CCND3: variants seen among roughly 807,000 people sequenced by gnomAD.
The protein encoded by CCND3 is G1/S-specific cyclin-D3.
CCND3 carries 9 observed loss-of-function variants against 28.7 expected under a neutral mutation model. The ratio of observed to expected loss-of-function variants is 0.31; its 90% CI spans 0.19 to 0.55. The LOEUF is 0.55. Among genes scored for constraint, CCND3 ranks in the 20% least tolerant of loss-of-function variants. CCND3 has a pLI of 0.93. For synonymous variants in CCND3, 164 were observed against 163.9 expected (o/e 1.00, Z 0.00); for missense variants, 315 against 385.8 (o/e 0.82, Z 1.54).
rs756354784 is a variant in CCND3 at position 41,937,361 on chromosome 6, A to G, written c.448T>C (p.Trp150Arg). The change falls in exon 3 of 5, where the codon TGG becomes CGG. Residue 150 changes from tryptophan (W) to arginine (R), a missense_variant. Physicochemically the swap from Trp to Arg is moderately radical, Grantham distance 101. Coordinates refer to ENST00000372991, the MANE Select transcript of CCND3 (RefSeq NM_001760.5). ...TGTGCAATCACAGCAGCCAGGTCCC[A>G]CTTGAGCTTCCCTAGGACCAGCACC... ...WEVLVLGKLK[W>R]DLAAVIAHDF... is the part of the protein sequence containing the mutation. 1 of 1,614,156 alleles carries G rather than the reference A, an allele frequency of 6.2e-7. No individual in the cohort carries two copies. Among genetic ancestry groups the G allele is most frequent in the South Asian group, 1.1e-5 (1 of 91,080 alleles).
In CCND3 at chr6:41,951,378, C is replaced by A. The variant is rs1027486228; in HGVS notation, c.-45-10793G>T. ...GACCAACCTGGCCAATATGGTGAAA[C>A]CCCGTCTGTACTAAATATACAAAAA... On this transcript the variant is annotated intron_variant, in intron 1 of 4. Coordinates refer to the CCND3 transcript ENST00000372988. Among the ~76,000 whole-genome samples, 5 of 151,480 alleles carry A rather than the reference C, an allele frequency of 3.3e-5. No homozygotes were observed. In the South Asian group the frequency reaches 1.0e-3, roughly 32 times the overall value.
rs2127394860 is a variant in CCND3, at chr6:41,941,354, C to T, written c.198+98G>A. On this transcript the variant is annotated intron_variant, in intron 1 of 4. Coordinates refer to ENST00000372991, the MANE Select transcript of CCND3 (RefSeq NM_001760.5). The surrounding 1 kb of genome is among the most constrained non-coding windows in gnomAD (Gnocchi z 6.1). ...CCCGGGAGTCTTAGCCTCGGAGCATCCTGCAGATTGCTGTGGGGACCGGGA... is the reference window on the plus strand; with the variant it reads ...CCCGGGAGTCTTAGCCTCGGAGCATTCTGCAGATTGCTGTGGGGACCGGGA... 1 of 1,538,090 alleles carries T rather than the reference C, an allele frequency of 6.5e-7. No homozygotes were observed. The highest frequency in any genetic ancestry group is 8.7e-7 in the Non-Finnish European group (1 of 1,146,854).
chr6:41,988,593 T>C (rs1762552836), intron 1 of CCND3, among the ~76,000 whole-genome samples: 2 of 152,078 alleles, frequency 1.3e-5, no homozygotes, highest in Admixed American at 6.6e-5. Context: ...GCCTTGCAGC[T>C]GGGCTAACAT....
At chr6:41,975,699 A>G (rs976794249) in intron 1 of CCND3, among the ~76,000 whole-genome samples, 6 of 151,116 alleles carry the variant, frequency 4.0e-5, no homozygotes, top group African/African-American at 1.5e-4. Context: ...AGGCCACGCC[A>G]GGCTACCTCT....
intron 1 of CCND3, among the ~76,000 whole-genome samples, chr6:41,948,065 A>G (rs1776214122): frequency 6.6e-6 from 1 of 152,092 alleles, no homozygotes; most frequent in South Asian, 2.1e-4. Context: ...GGATATCCAC[A>G]TGGCCCACTC....
chr6:41,941,421 G>T lies in CCND3; in HGVS notation c.198+31C>A, dbSNP rs1212308815. 6.2e-7 allele frequency: 1 copy of T among 1,603,228 alleles called. No individual in the cohort carries two copies. The highest frequency in any genetic ancestry group is 1.1e-5 in the South Asian group (1 of 89,938). On this transcript the variant is annotated intron_variant, in intron 1 of 4. Coordinates refer to ENST00000372991, the MANE Select transcript of CCND3 (RefSeq NM_001760.5). The surrounding 1 kb of genome is among the most constrained non-coding windows in gnomAD (Gnocchi z 6.1). ...CCCCGGTGTGTCCAGACCCGGGAGC[G>T]GTGGGGGAGGGGGACGCGTCCGGGC...
chr6:41,988,936 T>C (rs2127415376), intron 1 of CCND3, among the ~76,000 whole-genome samples: 1 of 151,686 alleles, frequency 6.6e-6, no homozygotes, highest in African/African-American at 2.4e-5. Context: ...CCTGACCTCA[T>C]GATCCGCCCG....
intron 1 of CCND3, among the ~76,000 whole-genome samples, chr6:42,012,314 G>A (rs1332877820): frequency 6.9e-6 from 1 of 145,868 alleles, no homozygotes; most frequent in Non-Finnish European, 1.5e-5. Flanking sequence ...GCTGAGGCAG[G>A]AGAATCACTT....
Position 41,941,731 on chromosome 6 carries a change from G to A in CCND3, c.-82C>T, listed in dbSNP as rs1582090436. 2.8e-6 allele frequency: 3 copies of A among 1,063,554 alleles called. No individual in the cohort carries two copies. The highest frequency in any genetic ancestry group is 3.6e-6 in the Non-Finnish European group (3 of 823,028). 65.9% of individuals were successfully genotyped at this position (1,063,554 alleles called of 1,614,324 possible). A position where few individuals can be genotyped will look rare whatever the true frequency, so the allele number is the denominator to read the frequency against. On this transcript the variant is annotated 5_prime_UTR_variant, in exon 1 of 5. Coordinates refer to ENST00000372991, the MANE Select transcript of CCND3 (RefSeq NM_001760.5). This position sits in a 1 kb window ranked among gnomAD's most constrained non-coding sequence, Gnocchi z 6.1. ...GACGGGCCGGAGAGCGCGGGGCGCG[G>A]GTCTGGCGCTGGCGCTGGCACTGCG...
intron 1 of CCND3, among the ~76,000 whole-genome samples, chr6:42,003,525 C>CAAAAAAAAAAAAAAAAA (rs61494473): frequency 1.4e-5 from 1 of 73,520 alleles, no homozygotes; most frequent in Non-Finnish European, 2.3e-5. Flanking sequence ...GACTCTGTCT[C>CAAAAAAAAAAAAAAAAA]AAAAAAAAAA....
chr6:41,936,127 G>A lies in CCND3; in HGVS notation c.712-20C>T. The A allele has an allele frequency of 2.6e-6, 4 of 1,554,210 alleles. No homozygotes were observed. Among genetic ancestry groups the A allele is most frequent in the Non-Finnish European group, 3.5e-6 (4 of 1,149,650 alleles). ...GCAGTCCTGGGAACATGGGAGAAGA[G>A]TGAGGAGCAAACACTCCCCCCATAG... On this transcript the variant is annotated intron_variant, in intron 4 of 4. Transcript: ENST00000372991. This position sits in a 1 kb window ranked among gnomAD's most constrained non-coding sequence, Gnocchi z 4.4.
rs1764629943 is a variant in CCND3, at chr6:42,048,858, ACCCCCGCCCGCAG to A, written c.-416_-404del. On this transcript the variant is annotated 5_prime_UTR_variant, in exon 1 of 5. Coordinates refer to the CCND3 transcript ENST00000372988. This position sits in a 1 kb window ranked among gnomAD's most constrained non-coding sequence, Gnocchi z 4.7. ...CCAGGAGGCTCATCCGGCGCCGCGC[ACCCCCGCCCGCAG>A]CCCCCGCCCCACGCGGCATAGGTGC... 2 of 311,260 alleles carry A rather than the reference ACCCCCGCCCGCAG, an allele frequency of 6.4e-6. No individual in the cohort carries two copies. The highest frequency in any genetic ancestry group is 1.2e-5 in the Non-Finnish European group (2 of 163,400). The allele number at this position is 311,260 out of a possible 1,614,324, so 19.3% of individuals were successfully genotyped here.
chr6:42,044,743 T>G (rs1286409875), intron 1 of CCND3, among the ~76,000 whole-genome samples: 1 of 152,066 alleles, frequency 6.6e-6, no homozygotes, highest in African/African-American at 2.4e-5. Context: ...CCTGCATCTT[T>G]TTTTAACTTG....
At chr6:41,963,755 CTG>C (rs954577973) in intron 1 of CCND3, among the ~76,000 whole-genome samples, 2 of 152,228 alleles carry the variant, frequency 1.3e-5, no homozygotes, top group Non-Finnish European at 2.9e-5. Context: ...GCCACTTAGT[CTG>C]TGACTCTGGA....
At chr6:42,045,501 AT>A (rs1764513926) in intron 1 of CCND3, among the ~76,000 whole-genome samples, 5 of 152,340 alleles carry the variant, frequency 3.3e-5, no homozygotes, top group Admixed American at 3.3e-4. Flanking sequence ...CTAAGTGGCA[AT>A]TACAGCCACA....
At chr6:42,025,315 C>T (rs1763843266) in intron 1 of CCND3, among the ~76,000 whole-genome samples, 1 of 152,164 alleles carries the variant, frequency 6.6e-6, no homozygotes, top group Admixed American at 6.6e-5. Context: ...GAGACCAAGG[C>T]CTCACAGAGG....
chr6:41,945,563 G>A (rs1012233500), upstream of CCND3, among the ~76,000 whole-genome samples: 13 of 152,282 alleles, frequency 8.5e-5, no homozygotes, highest in African/African-American at 2.9e-4. Context: ...ACAAGGTGAT[G>A]GGTGAGGCCC....
intron 1 of CCND3, among the ~76,000 whole-genome samples, chr6:41,987,504 T>C (rs1762516171): frequency 1.5e-5 from 1 of 65,530 alleles, no homozygotes; most frequent in Non-Finnish European, 2.7e-5. Context: ...TCTCTCTCTC[T>C]CTCTCTCTCT....
chr6:42,030,593 TG>T (rs1764015360), intron 1 of CCND3, among the ~76,000 whole-genome samples: 1 of 152,180 alleles, frequency 6.6e-6, no homozygotes, highest in African/African-American at 2.4e-5. Context: ...ACCACTCCAC[TG>T]TCTCCTCTCC....
Sources: gnomAD v4.1 joint callset for allele counts (sites outside exome capture counted in the v4.1 genomes callset) on GRCh38, gnomAD v4.1.1 for gene constraint, Gnocchi (gnomAD v3.1) non-coding constraint, MANE v1.5 for transcripts, NCBI Gene and HGNC (gene_info 2026-07-23, HGNC 2026-07-21) for gene names.